Variants in UVRAG observed in about 807,000 individuals in gnomAD.
UVRAG encodes UV radiation resistance associated, also known as UV radiation resistance-associated gene protein.
In UVRAG, 19 loss-of-function variants were observed where a neutral mutation model predicts 78.0. The observed-to-expected ratio is 0.24, with a 90% CI of 0.17 to 0.36. The LOEUF (loss-of-function observed/expected upper bound fraction) is 0.36, where lower values mean the gene tolerates loss of function less well. UVRAG is among the 10% of genes least tolerant of loss of function. The pLI, the probability that UVRAG is intolerant of heterozygous loss-of-function variation, is 1.00. For missense variants in UVRAG, 740 were observed against 853.8 expected, an observed-to-expected ratio of 0.87 and a Z score of 1.66; for synonymous variants, 323 against 324.6, an observed-to-expected ratio of 1.00 and a Z score of 0.05.
chr11:76,099,265 G>A (rs563764077), intron 13 of UVRAG, among the ~76,000 whole-genome samples: 55 of 152,310 alleles, frequency 3.6e-4, no homozygotes, highest in African/African-American at 1.3e-3. Context: ...TGTCATTGAA[G>A]CATTTACAGT....
intron 13 of UVRAG, among the ~76,000 whole-genome samples, chr11:76,109,823 A>C (rs1952039889): frequency 6.6e-6 from 1 of 152,190 alleles, no homozygotes; most frequent in Admixed American, 6.5e-5. Context: ...AGATTATTGA[A>C]ATTTTTAAAA....
intron 14 of UVRAG, among the ~76,000 whole-genome samples, chr11:76,139,108 C>T (rs147810421): frequency 0.012 from 1,853 of 152,288 alleles, 19 homozygotes; most frequent in Non-Finnish European, 0.018. Flanking sequence ...GAAATCTCTC[C>T]TGGCACCAGT....
intron 13 of UVRAG, among the ~76,000 whole-genome samples, chr11:76,066,801 T>G (rs370579308): frequency 6.6e-6 from 1 of 152,224 alleles, no homozygotes; most frequent in Admixed American, 6.5e-5. Context: ...AACAAGTGTT[T>G]TGTTTTGTTT....
At chr11:76,134,948 AC>A (rs1490168990) in intron 14 of UVRAG, among the ~76,000 whole-genome samples, 2 of 152,022 alleles carry the variant, frequency 1.3e-5, no homozygotes, top group Non-Finnish European at 2.9e-5. Context: ...AGCGAGCATT[AC>A]CCCCTGAGCT....
At chr11:76,109,969 G>A (rs2134456899) in intron 13 of UVRAG, among the ~76,000 whole-genome samples, 1 of 152,260 alleles carries the variant, frequency 6.6e-6, no homozygotes, top group African/African-American at 2.4e-5. Context: ...TGACATGTGT[G>A]TGTTTATTCC....
intron 3 of UVRAG, among the ~76,000 whole-genome samples, chr11:75,872,379 A>T (rs1196289508): frequency 3.6e-5 from 5 of 136,992 alleles, no homozygotes; most frequent in African/African-American, 1.1e-4. Flanking sequence ...TACAAAAGTG[A>T]TCTAATGCTG....
intron 13 of UVRAG, among the ~76,000 whole-genome samples, chr11:76,113,385 G>T (rs188970171): frequency 6.6e-6 from 1 of 152,186 alleles, no homozygotes; most frequent in Admixed American, 6.5e-5. Flanking sequence ...CTTCTTTCAT[G>T]GTGGGAGCAT....
At chr11:75,840,036 A>G (rs1374254543) in intron 1 of UVRAG, among the ~76,000 whole-genome samples, 1 of 151,992 alleles carries the variant, frequency 6.6e-6, no homozygotes, top group African/African-American at 2.4e-5. Context: ...CAGGCATGCT[A>G]TTACTCAACA....
chr11:76,070,372 G>T (rs1951278886), intron 13 of UVRAG, among the ~76,000 whole-genome samples: 1 of 152,066 alleles, frequency 6.6e-6, no homozygotes, highest in Non-Finnish European at 1.5e-5. Context: ...TAAGTCTAGG[G>T]ATATAATATA....
intron 2 of UVRAG, among the ~76,000 whole-genome samples, chr11:75,861,142 T>C (rs922109183): frequency 1.1e-4 from 16 of 152,184 alleles, no homozygotes; most frequent in African/African-American, 3.9e-4. Context: ...GTCATGAAAT[T>C]TTAATGCTTA....
intron 5 of UVRAG, among the ~76,000 whole-genome samples, chr11:75,904,292 C>A (rs1565372413): frequency 6.6e-6 from 1 of 152,132 alleles, no homozygotes; most frequent in East Asian, 1.9e-4. Context: ...CTATTCTGTT[C>A]CTTGAAGAAT....
In UVRAG at chr11:75,851,922, A is replaced by T. The variant is rs1253357508; in HGVS notation, c.157A>T (p.Ile53Phe). The T allele has an allele frequency of 6.2e-7, 1 of 1,613,946 alleles. No individual in the cohort carries two copies. Among genetic ancestry groups the T allele is most frequent in the Non-Finnish European group, 8.5e-7 (1 of 1,179,998 alleles). The change falls in exon 2 of 15, where the codon ATT (isoleucine) becomes TTT (phenylalanine). Residue 53 changes from isoleucine (I) to phenylalanine (F), a missense_variant. Transcript: ENST00000356136. Reference protein sequence around the residue: ...RHLRNIAARNIVNRNGHQLLD... With the variant: ...RHLRNIAARNFVNRNGHQLLD... ...TCTTCGGAACATTGCTGCCCGGAACATTGTTAATAGAAATGGCCATCAGCT... is the reference window on the plus strand; with the variant it reads ...TCTTCGGAACATTGCTGCCCGGAACTTTGTTAATAGAAATGGCCATCAGCT...
chr11:76,026,510 A>T (rs1305509864), intron 12 of UVRAG, among the ~76,000 whole-genome samples: 3 of 152,118 alleles, frequency 2.0e-5, no homozygotes, highest in Admixed American at 2.0e-4. Flanking sequence ...AGAAATGGGG[A>T]ATTTTCATAT....
intron 6 of UVRAG, among the ~76,000 whole-genome samples, chr11:75,924,909 C>CAAAAGTCAGCTTTCAAATGTTG (rs1338335194): frequency 7.2e-5 from 11 of 152,020 alleles, no homozygotes; most frequent in Non-Finnish European, 1.5e-5. Flanking sequence ...TGGCTTAGAG[C>CAAAAGTCAGCTTTCAAATGTTG]AAAAGTCAGC....
chr11:75,986,851 A>G (rs1381803741), intron 8 of UVRAG, among the ~76,000 whole-genome samples: 1 of 151,402 alleles, frequency 6.6e-6, no homozygotes, highest in African/African-American at 2.4e-5. Flanking sequence ...AAACAGAATC[A>G]TGCAATATTG....
At chr11:75,828,711 G>A (rs1453071615) in intron 1 of UVRAG, among the ~76,000 whole-genome samples, 1 of 124,464 alleles carries the variant, frequency 8.0e-6, no homozygotes, top group Non-Finnish European at 1.7e-5. Flanking sequence ...ATATATATAT[G>A]TGTATATATA....
At chr11:76,073,049 T>A (rs2134395775) in intron 13 of UVRAG, among the ~76,000 whole-genome samples, 1 of 152,346 alleles carries the variant, frequency 6.6e-6, no homozygotes, top group African/African-American at 2.4e-5. Flanking sequence ...CTAGCAGTAT[T>A]TGTCTTCTGT....
At chr11:76,012,096 G>A (rs1197650842) in intron 11 of UVRAG, among the ~76,000 whole-genome samples, 2 of 152,064 alleles carry the variant, frequency 1.3e-5, no homozygotes, top group Non-Finnish European at 2.9e-5. Flanking sequence ...TGAGGTGGGA[G>A]GATTGCTTGT....
At chr11:75,898,646 G>T (rs188196736) in intron 5 of UVRAG, among the ~76,000 whole-genome samples, 21 of 152,240 alleles carry the variant, frequency 1.4e-4, no homozygotes, top group Non-Finnish European at 2.9e-4. Flanking sequence ...GAGGTGATGT[G>T]ATAGAAGATT....
Sources: allele counts gnomAD v4.1 joint callset (sites outside exome capture counted in the v4.1 genomes callset), GRCh38; gene constraint gnomAD v4.1.1; transcripts MANE v1.5; gene names NCBI Gene and HGNC (gene_info 2026-07-23, HGNC 2026-07-21).